EYS: variants seen among roughly 807,000 people sequenced by gnomAD.
The protein encoded by EYS is EGF-like photoreceptor maintenance factor, also known as protein eyes shut homolog.
EYS carries 250 observed loss-of-function variants against 282.1 expected under a neutral mutation model. That is an observed-to-expected ratio of 0.89 (90% CI 0.80 to 0.98). The LOEUF (loss-of-function observed/expected upper bound fraction) is 0.98, where lower values mean the gene tolerates loss of function less well. EYS is among the 50% of genes least tolerant of loss of function. The pLI is 0.00. For synonymous variants in EYS, 1,355 were observed against 1,282.9 expected (o/e 1.06, Z -1.20); for missense variants, 4,016 against 3,709.0 (o/e 1.08, Z -2.15).
Position 64,591,714 on chromosome 6 carries a change from G to T in EYS, c.4153C>A (p.Pro1385Thr). The T allele has an allele frequency of 6.4e-7, 1 of 1,551,146 alleles. No homozygotes were observed. Among genetic ancestry groups the T allele is most frequent in the Non-Finnish European group, 8.7e-7 (1 of 1,146,684 alleles). Residue 1385 changes from proline to threonine, a missense_variant, in exon 26 of 43, where the codon CCT (proline) becomes ACT (threonine). Coordinates refer to ENST00000503581, the MANE Select transcript of EYS (RefSeq NM_001142800.2). ...TSAATLGFFFPDRRARTPFIM... is the reference protein window; with the variant it reads ...TSAATLGFFFTDRRARTPFIM... The stretch of plus-strand genomic sequence containing the variant: ...AATGGGGTCCTTGCTCTCCTATCAG[G>T]AAAAAAGAAACCTAGTGTGGCTGCT...
chr6:65,125,396 G>A (rs12210382), intron 12 of EYS, among the ~76,000 whole-genome samples: 6,169 of 152,096 alleles, frequency 0.041, 175 homozygotes, highest in Middle Eastern at 0.068. Context: ...TTTGTCCCCC[G>A]CTGCCCATTT....
chr6:65,656,083 C>T (rs1372228696), intron 1 of EYS, among the ~76,000 whole-genome samples: 1 of 151,784 alleles, frequency 6.6e-6, no homozygotes, highest in Non-Finnish European at 1.5e-5. Context: ...TGGGGCACCA[C>T]AAACCATGCC....
At chr6:64,480,313 C>G (rs1269406956) in intron 26 of EYS, among the ~76,000 whole-genome samples, 1 of 151,882 alleles carries the variant, frequency 6.6e-6, no homozygotes, top group Non-Finnish European at 1.5e-5. Context: ...CATTAAACAA[C>G]TCTATTACCA....
intron 30 of EYS, among the ~76,000 whole-genome samples, chr6:64,269,385 C>T (rs148677052): frequency 4.0e-4 from 61 of 151,962 alleles, no homozygotes; most frequent in African/African-American, 1.4e-3. Context: ...TTGAAAAATC[C>T]TGGAGTGATT....
At chr6:64,454,308 T>A (rs1775479556) in intron 26 of EYS, among the ~76,000 whole-genome samples, 1 of 152,154 alleles carries the variant, frequency 6.6e-6, no homozygotes, top group Non-Finnish European at 1.5e-5. Flanking sequence ...TTGTATAGCA[T>A]AGGTCACGTT....
chr6:64,022,789 A>T (rs554573402), intron 33 of EYS, among the ~76,000 whole-genome samples: 2 of 152,292 alleles, frequency 1.3e-5, no homozygotes, highest in African/African-American at 4.8e-5. Flanking sequence ...GCTCCCCAAA[A>T]CTAGTGCCAA....
chr6:64,193,203 TA>T (rs1765170011), intron 31 of EYS, among the ~76,000 whole-genome samples: 1 of 152,204 alleles, frequency 6.6e-6, no homozygotes, highest in African/African-American at 2.4e-5. Flanking sequence ...AAGCTATAGA[TA>T]AATTGGGGCA....
chr6:63,741,780 A>G (rs911574021), intron 41 of EYS: 2 of 594,206 alleles, frequency 3.4e-6, no homozygotes, highest in African/African-American at 3.7e-5. Context: ...ATCTGAATCA[A>G]ACTGTCAACA....
chr6:65,599,312 T>C (rs1765532021), intron 2 of EYS, among the ~76,000 whole-genome samples: 2 of 152,230 alleles, frequency 1.3e-5, no homozygotes, highest in Middle Eastern at 3.4e-3. Context: ...GACTCTCCAT[T>C]TGGAAACACA....
chr6:64,440,235 T>G (rs1774894052), intron 26 of EYS, among the ~76,000 whole-genome samples: 1 of 152,026 alleles, frequency 6.6e-6, no homozygotes, highest in Non-Finnish European at 1.5e-5. Context: ...ATAATATTCA[T>G]TTTCGAATCT....
chr6:65,589,347 T>G (rs1317293638), intron 2 of EYS, among the ~76,000 whole-genome samples: 6 of 152,086 alleles, frequency 3.9e-5, no homozygotes, highest in African/African-American at 1.4e-4. Flanking sequence ...AGTGCTCTTC[T>G]TCAGCCTGTT....
intron 2 of EYS, among the ~76,000 whole-genome samples, chr6:65,629,995 G>T (rs188306557): frequency 3.8e-4 from 58 of 152,252 alleles, no homozygotes; most frequent in African/African-American, 1.4e-3. Flanking sequence ...AACTCCCAAA[G>T]GTCAATCCCA....
At chr6:65,302,006 T>G (rs1161208836) in intron 11 of EYS, among the ~76,000 whole-genome samples, 1 of 152,262 alleles carries the variant, frequency 6.6e-6, no homozygotes, top group South Asian at 2.1e-4. Context: ...AAAACTGATT[T>G]TTTTTGTTTT....
chr6:65,196,518 A>G (rs1765769994), intron 12 of EYS, among the ~76,000 whole-genome samples: 1 of 152,110 alleles, frequency 6.6e-6, no homozygotes, highest in Non-Finnish European at 1.5e-5. Flanking sequence ...CAATCATTCA[A>G]TCAACATTCT....
chr6:65,261,458 G>A (rs1207578057), intron 12 of EYS, among the ~76,000 whole-genome samples: 1 of 151,916 alleles, frequency 6.6e-6, no homozygotes, highest in Non-Finnish European at 1.5e-5. Flanking sequence ...AAACTCTTAA[G>A]TTGCTTGTGT....
At chr6:65,626,482 G>C (rs1225893143) in intron 2 of EYS, among the ~76,000 whole-genome samples, 1 of 152,148 alleles carries the variant, frequency 6.6e-6, no homozygotes. Flanking sequence ...TGATCCCTCT[G>C]ATAAGGGTGA....
intron 5 of EYS, among the ~76,000 whole-genome samples, chr6:65,457,708 G>A (rs1174388441): frequency 6.6e-6 from 1 of 152,042 alleles, no homozygotes; most frequent in Admixed American, 6.6e-5. Flanking sequence ...ATGCTACATT[G>A]TCACGGAATC....
intron 22 of EYS, among the ~76,000 whole-genome samples, chr6:64,727,452 G>A (rs1771795376): frequency 6.6e-6 from 1 of 152,048 alleles, no homozygotes; most frequent in African/African-American, 2.4e-5. Context: ...CAACTCTCCT[G>A]CACTGACCTA....
chr6:65,226,731 A>T (rs1766636244), intron 12 of EYS, among the ~76,000 whole-genome samples: 1 of 152,184 alleles, frequency 6.6e-6, no homozygotes, highest in South Asian at 2.1e-4. Context: ...AATAAGTTAA[A>T]AATAGAATTA....
Sources: gnomAD v4.1 joint callset for allele counts (sites outside exome capture counted in the v4.1 genomes callset) on GRCh38, gnomAD v4.1.1 for gene constraint, MANE v1.5 for transcripts, NCBI Gene and HGNC (gene_info 2026-07-23, HGNC 2026-07-21) for gene names.